Variants in ADGRG6 observed in about 807,000 individuals in gnomAD.
ADGRG6 encodes adhesion G protein-coupled receptor G6.
Under a neutral mutation model 142.4 loss-of-function variants are expected in ADGRG6, and 84 were observed. The observed-to-expected ratio is 0.59, with a 90% CI of 0.49 to 0.71. The LOEUF (loss-of-function observed/expected upper bound fraction) is 0.71, where lower values mean the gene tolerates loss of function less well. Ranked by LOEUF, ADGRG6 falls within the 30% of genes least tolerant of loss-of-function variation. The probability of loss-of-function intolerance (pLI) is 0.00; values close to 1 mark genes in which losing one functional copy is unlikely to be tolerated. For missense variants in ADGRG6, 1,367 were observed against 1,466.6 expected, an observed-to-expected ratio of 0.93 and a Z score of 1.11; for synonymous variants, 521 against 520.5, an observed-to-expected ratio of 1.00 and a Z score of -0.01.
At chr6:142,402,143 C>G in intron 12 of ADGRG6, 85 bp downstream of exon 12, 1 of 692,982 alleles carries the variant, frequency 1.4e-6, no homozygotes, top group South Asian at 1.8e-5. Flanking sequence ...CGAGAATATT[C>G]TTCTGCTCTG....
Position 142,444,675 on chromosome 6 carries a change from A to T in ADGRG6, c.*1160A>T, listed in dbSNP as rs1357671499. The T allele has an allele frequency of 6.6e-6, 1 of 152,174 alleles. No homozygotes were observed. Among genetic ancestry groups the T allele is most frequent in the Non-Finnish European group, 1.5e-5 (1 of 68,032 alleles). 9.4% of individuals were successfully genotyped at this position (152,174 alleles called of 1,614,324 possible). A position where few individuals can be genotyped will look rare whatever the true frequency, so the allele number is the denominator to read the frequency against. ...GGTCTGGCAAGATAGATGGTGTATT[A>T]TTTATGGATCAGGCTGCTGCATACA... On this transcript the variant is annotated 3_prime_UTR_variant, in exon 25 of 25. Transcript: ENST00000367609.
intron 2 of ADGRG6, among the ~76,000 whole-genome samples, chr6:142,362,410 C>T (rs1003583176): frequency 6.6e-6 from 1 of 152,154 alleles, no homozygotes; most frequent in African/African-American, 2.4e-5. Context: ...TGTGAATGAA[C>T]TGGTATTCTG....
intron 14 of ADGRG6, 170 bp downstream of exon 14, chr6:142,404,143 G>C: frequency 1.7e-6 from 1 of 604,100 alleles, no homozygotes; most frequent in Non-Finnish European, 2.9e-6. Context: ...TGGGAGCTCA[G>C]AGTGGGTATG....
intron 18 of ADGRG6, among the ~76,000 whole-genome samples, chr6:142,414,605 G>A (rs1776259822): frequency 6.6e-6 from 1 of 152,108 alleles, no homozygotes; most frequent in Non-Finnish European, 1.5e-5. Flanking sequence ...GGTGCCCCAA[G>A]CCCTGCAACT....
intron 2 of ADGRG6, among the ~76,000 whole-genome samples, chr6:142,365,093 A>G (rs1562339820): frequency 1.3e-5 from 2 of 152,120 alleles, no homozygotes; most frequent in East Asian, 1.9e-4. Flanking sequence ...TCCAGTGCCT[A>G]TAACTGGATA....
chr6:142,308,864 A>G (rs1384419618), intron 1 of ADGRG6, among the ~76,000 whole-genome samples: 2 of 151,836 alleles, frequency 1.3e-5, no homozygotes, highest in African/African-American at 4.8e-5. Context: ...TAATTTTCAG[A>G]ATTAAATGAG....
chr6:142,443,497 C>T lies in ADGRG6; in HGVS notation c.3735C>T (p.Ser1245=). The change falls in exon 25 of 25, where the codon AGC becomes AGT. Residue 1245 remains serine (S), a synonymous_variant. Coordinates refer to ENST00000367609, the MANE Select transcript of ADGRG6 (RefSeq NM_198569.3). The part of the protein sequence containing the change: ...YKNIIMSDTF[S]HSTKF ...ATATTATCATGTCAGACACCTTCAG[C>T]CACAGCACAAAGTTTTAATGTCTTT... The T allele has an allele frequency of 1.2e-6, 2 of 1,608,072 alleles. No homozygotes were observed. Among genetic ancestry groups the T allele is most frequent in the Non-Finnish European group, 1.7e-6 (2 of 1,176,474 alleles).
chr6:142,350,173 TG>T (rs1780099011), intron 2 of ADGRG6, among the ~76,000 whole-genome samples: 1 of 152,378 alleles, frequency 6.6e-6, no homozygotes, highest in African/African-American at 2.4e-5. Context: ...ATATGTGGAA[TG>T]ATAATAGCAC....
chr6:142,308,911 C>A (rs560647002), intron 1 of ADGRG6, among the ~76,000 whole-genome samples: 5 of 151,876 alleles, frequency 3.3e-5, no homozygotes, highest in Middle Eastern at 3.4e-3. Context: ...TTTCAAAGCA[C>A]CACCTCTCCA....
chr6:142,308,291 A>G (rs1350018635), intron 1 of ADGRG6, among the ~76,000 whole-genome samples: 2 of 151,966 alleles, frequency 1.3e-5, no homozygotes, highest in Non-Finnish European at 2.9e-5. Context: ...CAAGGCGATC[A>G]AGCAATTTCC....
Position 142,445,396 on chromosome 6 carries a change from A to C in ADGRG6, c.*1881A>C, listed in dbSNP as rs570135940. 1.3e-5 allele frequency: 2 copies of C among 152,272 alleles called. No homozygotes were observed. Among genetic ancestry groups the C allele is most frequent in the Non-Finnish European group, 2.9e-5 (2 of 68,006 alleles). 9.4% of individuals were successfully genotyped at this position (152,272 alleles called of 1,614,324 possible). On this transcript the variant is annotated 3_prime_UTR_variant, in exon 25 of 25. Coordinates refer to ENST00000367609, the MANE Select transcript of ADGRG6 (RefSeq NM_198569.3). ...GGATGAAAATGAATCTTAGTCACTG[A>C]ATATTCATATACATTTCCCCCAAAA...
rs180886508 is a variant in ADGRG6, at chr6:142,426,678, C to T, written c.3319+6574C>T. Reference sequence around the variant, plus strand: ...TGGGGCCCAGACCACACATTTCCCTCTGTACTGCCCTAGCGGAGGTTCTCC... The same window carrying T: ...TGGGGCCCAGACCACACATTTCCCTTTGTACTGCCCTAGCGGAGGTTCTCC... On this transcript the variant is annotated intron_variant, in intron 22 of 24. Transcript: ENST00000367609. Among the ~76,000 whole-genome samples the T allele has an allele frequency of 2.2e-4, 34 of 152,360 alleles. No individual in the cohort carries two copies. The East Asian group carries it at 5.8e-3, about 26-fold the overall frequency.
In ADGRG6 at chr6:142,446,033, T is replaced by C. The variant is rs1040914535; in HGVS notation, c.*2518T>C. 2.6e-5 allele frequency: 4 copies of C among 152,618 alleles called. No homozygotes were observed. Among genetic ancestry groups the C allele is most frequent in the African/African-American group, 9.7e-5 (4 of 41,446 alleles). 9.5% of individuals were successfully genotyped at this position (152,618 alleles called of 1,614,324 possible). A position where few individuals can be genotyped will look rare whatever the true frequency, so the allele number is the denominator to read the frequency against. On this transcript the variant is annotated 3_prime_UTR_variant, in exon 25 of 25. Transcript: ENST00000367609. ...TTGGTTTCCTTTCTTAGCTTGATAT[T>C]GCCTAGCTTTGTTGTTTTAATTAAC... is the stretch of plus-strand genomic sequence containing the variant.
chr6:142,444,381 G>T lies in ADGRG6; in HGVS notation c.*866G>T, dbSNP rs957817508. ...AGGAAGGAGAATTTCCATTAGGCAAGCTGTATGCAGTGGAATTTTCCTTTT... is the reference window on the plus strand; with the variant it reads ...AGGAAGGAGAATTTCCATTAGGCAATCTGTATGCAGTGGAATTTTCCTTTT... On this transcript the variant is annotated 3_prime_UTR_variant, in exon 25 of 25. Transcript: ENST00000367609. 1 of 152,160 alleles carries T rather than the reference G, an allele frequency of 6.6e-6. No individual in the cohort carries two copies. The highest frequency in any genetic ancestry group is 1.5e-5 in the Non-Finnish European group (1 of 68,026). The allele number at this position is 152,160 out of a possible 1,614,324, so 9.4% of individuals were successfully genotyped here. A position where few individuals can be genotyped will look rare whatever the true frequency, so the allele number is the denominator to read the frequency against.
rs568188055 is a variant in ADGRG6, at chr6:142,445,599, C to T, written c.*2084C>T. On this transcript the variant is annotated 3_prime_UTR_variant, in exon 25 of 25. Coordinates refer to ENST00000367609, the MANE Select transcript of ADGRG6 (RefSeq NM_198569.3). The stretch of plus-strand genomic sequence containing the variant: ...TTTTTCATATTTGACAATGTCAGCT[C>T]CACTTTAGAAATTTTCAATAACCAG... 2 of 152,064 alleles carry T rather than the reference C, an allele frequency of 1.3e-5. No individual in the cohort carries two copies. The highest frequency in any genetic ancestry group is 4.8e-5 in the African/African-American group (2 of 41,474). 9.4% of individuals were successfully genotyped at this position (152,064 alleles called of 1,614,324 possible).
chr6:142,346,521 C>G (rs1259452560), intron 2 of ADGRG6, among the ~76,000 whole-genome samples: 1 of 151,282 alleles, frequency 6.6e-6, no homozygotes, highest in Admixed American at 6.6e-5. Flanking sequence ...GTAAATTTTT[C>G]TGGGTATATA....
At chr6:142,408,939 G>A (rs899753399) in intron 16 of ADGRG6, among the ~76,000 whole-genome samples, 2 of 152,126 alleles carry the variant, frequency 1.3e-5, no homozygotes, top group Non-Finnish European at 1.5e-5. Flanking sequence ...CCTTTGCCAC[G>A]AACCGTCTTA....
In ADGRG6 at chr6:142,438,261, A is replaced by G. The variant is rs542243165; in HGVS notation, c.3471A>G (p.Leu1157=). ...TCATCAAGAAAAGTTCTGATAATCT[A>G]GGAAAATCTTTGTCTTCAAGCTCCA... is the stretch of plus-strand genomic sequence containing the variant. ...TNIIKKSSDN[L]GKSLSSSSIG... Residue 1157 remains leucine, a synonymous_variant, in exon 24 of 25, where the codon CTA becomes CTG. Transcript: ENST00000367609. The G allele has an allele frequency of 1.9e-6, 3 of 1,605,654 alleles. No homozygotes were observed. In the East Asian group the frequency reaches 6.7e-5, roughly 36 times the overall value.
At chr6:142,331,589 A>G (rs1236802246) in intron 2 of ADGRG6, among the ~76,000 whole-genome samples, 1 of 152,224 alleles carries the variant, frequency 6.6e-6, no homozygotes, top group African/African-American at 2.4e-5. Flanking sequence ...CCTTGATGAA[A>G]ATAGTCCTGA....
Sources: allele counts gnomAD v4.1 joint callset (sites outside exome capture counted in the v4.1 genomes callset), GRCh38; gene constraint gnomAD v4.1.1; transcripts MANE v1.5; gene names NCBI Gene and HGNC (gene_info 2026-07-23, HGNC 2026-07-21).